BCAR3: variants seen among roughly 807,000 people sequenced by gnomAD.
The protein encoded by BCAR3 is breast cancer anti-estrogen resistance protein 3.
Under a neutral mutation model 80.1 loss-of-function variants are expected in BCAR3, and 37 were observed. The observed-to-expected ratio is 0.46, with a 90% confidence interval of 0.36 to 0.61. The LOEUF (loss-of-function observed/expected upper bound fraction) is 0.61, where lower values mean the gene tolerates loss of function less well. Among genes scored for constraint, BCAR3 ranks in the 20% least tolerant of loss-of-function variants. The probability of loss-of-function intolerance (pLI) is 0.00; values close to 1 mark genes in which losing one functional copy is unlikely to be tolerated. For synonymous variants in BCAR3, 389 were observed against 418.9 expected (o/e 0.93, Z 0.87); for missense variants, 978 against 1,068.2 (o/e 0.92, Z 1.18).
At chr1:93,750,606 C>T (rs1651525634) in intron 2 of BCAR3, among the ~76,000 whole-genome samples, 1 of 148,434 alleles carries the variant, frequency 6.7e-6, no homozygotes, top group Admixed American at 6.7e-5. Context: ...AAAGGTGATT[C>T]TGCTTCTGCC....
Position 93,843,701 on chromosome 1 carries a change from C to T in BCAR3, c.-63+1866G>A, listed in dbSNP as rs537405739. ...GGGGTCCAAACTGAAAAATTTTTAC[C>T]GGTAGGAATGCCCAGTCACATTATG... On this transcript the variant is annotated intron_variant, in intron 2 of 13. Coordinates refer to the BCAR3 transcript ENST00000370244. 2.0e-5 allele frequency among the ~76,000 whole-genome samples: 3 copies of T among 152,224 alleles called. No individual in the cohort carries two copies. The South Asian group carries it at 6.2e-4, about 32-fold the overall frequency.
chr1:93,728,109 G>A (rs895239527), intron 2 of BCAR3, among the ~76,000 whole-genome samples: 4 of 152,242 alleles, frequency 2.6e-5, no homozygotes, highest in African/African-American at 7.2e-5. Context: ...ACACTTTGAT[G>A]TGAGGCTTTT....
At chr1:93,811,139 C>G (rs1206274666) in intron 2 of BCAR3, among the ~76,000 whole-genome samples, 3 of 152,198 alleles carry the variant, frequency 2.0e-5, no homozygotes, top group Non-Finnish European at 4.4e-5. Flanking sequence ...GCCGTGAAAG[C>G]TGATGGGGAC....
chr1:93,736,463 A>G (rs1447224959), intron 2 of BCAR3, among the ~76,000 whole-genome samples: 1 of 152,266 alleles, frequency 6.6e-6, no homozygotes, highest in Non-Finnish European at 1.5e-5. Context: ...CTGGGATTAC[A>G]GGCGTGAGCC....
rs76729025 is a variant in BCAR3 at position 93,660,053 on chromosome 1, C to CGTGTGTGTGTGTGT, written c.317+14547_317+14560dup. On this transcript the variant is annotated intron_variant, in intron 2 of 11. Transcript: ENST00000260502. ...ATGTATGTTGGTTTGAATAAATGAA[C>CGTGTGTGTGTGTGT]GTGTGTGTGTGTGTGTGTGTGTGTG... Among the ~76,000 whole-genome samples, 7 of 147,330 alleles carry CGTGTGTGTGTGTGT rather than the reference C, an allele frequency of 4.8e-5. No individual in the cohort carries two copies. The South Asian group carries it at 1.3e-3, about 28-fold the overall frequency.
intron 2 of BCAR3, among the ~76,000 whole-genome samples, chr1:93,789,981 G>A (rs1273854163): frequency 6.6e-6 from 1 of 152,068 alleles, no homozygotes; most frequent in Non-Finnish European, 1.5e-5. Context: ...AAAAGTTAAT[G>A]GGAAGCCCTT....
rs554082397 is a variant in BCAR3, at chr1:93,744,823, C to T, written c.-62-38681G>A. Among the ~76,000 whole-genome samples the T allele has an allele frequency of 2.9e-4, 44 of 152,198 alleles. 1 individual carries two copies. The highest frequency in any genetic ancestry group is 6.2e-4 in the Non-Finnish European group (42 of 68,036). ...TTTCATGTCTTCCCCACGAGGAAAT[C>T]CCCTTAGGAAGAAAGCTGCCATGGT... On this transcript the variant is annotated intron_variant, in intron 2 of 13. Coordinates refer to the BCAR3 transcript ENST00000370244.
chr1:93,804,616 C>T (rs911738527), intron 2 of BCAR3, among the ~76,000 whole-genome samples: 3 of 152,080 alleles, frequency 2.0e-5, no homozygotes, highest in African/African-American at 7.2e-5. Flanking sequence ...ACAGAGTTGG[C>T]CAGCATGAGA....
intron 3 of BCAR3, chr1:93,613,710 C>G (rs1314325146): frequency 9.5e-7 from 1 of 1,055,712 alleles, no homozygotes; most frequent in Non-Finnish European, 1.4e-6. Flanking sequence ...CTCTTGAAGA[C>G]CCATCAGTCA....
rs1394867391 is a variant in BCAR3 at position 93,561,851 on chromosome 1, A to C, written c.*390T>G. On this transcript the variant is annotated 3_prime_UTR_variant, in exon 12 of 12. Transcript: ENST00000260502. ...TACATTTTTCATATTTGTTTAAAGA[A>C]TATCATATAACTGATACCTTCTGAA... The C allele has an allele frequency of 1.3e-5, 2 of 156,802 alleles. No individual in the cohort carries two copies. Among genetic ancestry groups the C allele is most frequent in the Non-Finnish European group, 2.8e-5 (2 of 71,034 alleles). The allele number at this position is 156,802 out of a possible 1,614,324, so 9.7% of individuals were successfully genotyped here.
chr1:93,779,261 A>G (rs145650040), intron 2 of BCAR3, among the ~76,000 whole-genome samples: 7 of 152,322 alleles, frequency 4.6e-5, no homozygotes, highest in African/African-American at 7.2e-5. Flanking sequence ...CTGAGGTCCA[A>G]TGACTTGGCC....
In BCAR3 at chr1:93,561,955, A is replaced by T. The variant is rs1243654095; in HGVS notation, c.*286T>A. On this transcript the variant is annotated 3_prime_UTR_variant, in exon 12 of 12. Coordinates refer to ENST00000260502, the MANE Select transcript of BCAR3 (RefSeq NM_003567.4). ...ACTAAAATGGTCAAATACCATGATA[A>T]TAGAAAGCAACCAGCCAACATAGCT... 1 of 261,156 alleles carries T rather than the reference A, an allele frequency of 3.8e-6. No individual in the cohort carries two copies. Among genetic ancestry groups the T allele is most frequent in the East Asian group, 7.4e-5 (1 of 13,494 alleles). 16.2% of individuals were successfully genotyped at this position (261,156 alleles called of 1,614,324 possible).
chr1:93,777,402 TTCC>T lies in BCAR3; in HGVS notation c.-63+68162_-63+68164del, dbSNP rs58306702. Among the ~76,000 whole-genome samples, 13 of 119,128 alleles carry T rather than the reference TTCC, an allele frequency of 1.1e-4. No individual in the cohort carries two copies. The South Asian group carries it at 2.0e-3, about 19-fold the overall frequency. 78.2% of individuals were successfully genotyped at this position (119,128 alleles called of 152,430 possible). A position where few individuals can be genotyped will look rare whatever the true frequency, so the allele number is the denominator to read the frequency against. On this transcript the variant is annotated intron_variant, in intron 2 of 13. Transcript: ENST00000370244. ...CCTCTTCTTCTTCCTCTTCTTCCTC[TTCC>T]TCCTCCTCTTCCTCCTCCTCTTCCT... is the stretch of plus-strand genomic sequence containing the variant.
chr1:93,801,112 T>C (rs977999292), intron 2 of BCAR3, among the ~76,000 whole-genome samples: 3 of 152,216 alleles, frequency 2.0e-5, no homozygotes, highest in Non-Finnish European at 4.4e-5. Context: ...TTTTCTTCCT[T>C]TTGTTTCTAT....
At chr1:93,835,519 ATCT>A (rs891552091) in intron 2 of BCAR3, among the ~76,000 whole-genome samples, 2 of 152,306 alleles carry the variant, frequency 1.3e-5, no homozygotes, top group African/African-American at 4.8e-5. Context: ...CAAGGAAAAT[ATCT>A]TCTTCCAGCC....
At chr1:93,810,192 C>CAAAAAAAAAAAAAAAAA (rs111305058) in intron 2 of BCAR3, among the ~76,000 whole-genome samples, 7 of 98,850 alleles carry the variant, frequency 7.1e-5, no homozygotes, top group African/African-American at 1.4e-4. Flanking sequence ...GACTCCATCT[C>CAAAAAAAAAAAAAAAAA]AAAAAAAAAA....
chr1:93,613,630 C>G (rs758758710), intron 3 of BCAR3, among the ~76,000 whole-genome samples: 8 of 152,178 alleles, frequency 5.3e-5, no homozygotes, highest in Non-Finnish European at 1.2e-4. Flanking sequence ...ACAGCTTCAG[C>G]CCAAAACAGA....
chr1:93,693,023 G>A (rs1477897342), intron 3 of BCAR3, among the ~76,000 whole-genome samples: 5 of 152,094 alleles, frequency 3.3e-5, no homozygotes, highest in Non-Finnish European at 7.4e-5. Context: ...GTGTCCTAGC[G>A]CCGTCCTGGG....
At chr1:93,617,278 C>CAA (rs981025430) in intron 3 of BCAR3, among the ~76,000 whole-genome samples, 2 of 152,192 alleles carry the variant, frequency 1.3e-5, no homozygotes, top group African/African-American at 2.4e-5. Flanking sequence ...GGCCCTCTCT[C>CAA]CAACAGGGCA....
Sources: gnomAD v4.1 joint callset for allele counts (sites outside exome capture counted in the v4.1 genomes callset) on GRCh38, gnomAD v4.1.1 for gene constraint, MANE v1.5 for transcripts, NCBI Gene and HGNC (gene_info 2026-07-23, HGNC 2026-07-21) for gene names.